The following TRAPPC9 variants were observed in gnomAD, a reference collection of about 807,000 sequenced individuals.
The protein encoded by TRAPPC9 is trafficking protein particle complex subunit 9, also known as IKK2 binding protein.
A neutral mutation model predicts 124.0 loss-of-function variants in TRAPPC9; 83 were observed. The observed-to-expected ratio is 0.67, with a 90% CI of 0.56 to 0.80. The LOEUF (loss-of-function observed/expected upper bound fraction) is 0.80, where lower values mean the gene tolerates loss of function less well. Among genes scored for constraint, TRAPPC9 ranks in the 30% least tolerant of loss-of-function variants. TRAPPC9 has a pLI of 0.00. For synonymous variants in TRAPPC9, 638 were observed against 617.5 expected (o/e 1.03, Z -0.49); for missense variants, 1,302 against 1,508.3 (o/e 0.86, Z 2.27).
chr8:140,062,290 C>G (rs563788848), intron 17 of TRAPPC9, among the ~76,000 whole-genome samples: 2 of 152,312 alleles, frequency 1.3e-5, no homozygotes, highest in South Asian at 4.2e-4. Context: ...GCTCGGTATT[C>G]CATCCTACTG....
chr8:140,034,464 TA>T (rs1306020840), intron 17 of TRAPPC9, among the ~76,000 whole-genome samples: 1 of 152,136 alleles, frequency 6.6e-6, no homozygotes, highest in Non-Finnish European at 1.5e-5. Flanking sequence ...ACCTCCTCAA[TA>T]AACAGCACGG....
chr8:139,917,222 G>A (rs1047931184), intron 19 of TRAPPC9, among the ~76,000 whole-genome samples: 15 of 127,010 alleles, frequency 1.2e-4, no homozygotes, highest in Non-Finnish European at 1.1e-4. Context: ...TGCCCAGGAC[G>A]GAGTGCAGTG....
intron 21 of TRAPPC9, among the ~76,000 whole-genome samples, chr8:139,778,407 T>C (rs903196314): frequency 1.2e-4 from 18 of 152,072 alleles, no homozygotes; most frequent in Admixed American, 8.5e-4. Context: ...TGGCACCCAA[T>C]GAAAGATTAC....
intron 17 of TRAPPC9, among the ~76,000 whole-genome samples, chr8:140,090,181 A>G (rs1279508599): frequency 6.6e-6 from 1 of 152,186 alleles, no homozygotes; most frequent in Non-Finnish European, 1.5e-5. Flanking sequence ...CTATTATAAC[A>G]TATGTAGGTT....
rs757718184 is a variant in TRAPPC9, at chr8:140,300,501, T to C, written c.1736A>G (p.His579Arg). The C allele has an allele frequency of 6.2e-7, 1 of 1,614,102 alleles. No individual in the cohort carries two copies. Among genetic ancestry groups the C allele is most frequent in the African/African-American group, 1.3e-5 (1 of 74,942 alleles). ...CTTGTTCCGCTCTTCTCCACGGTTG[T>C]GTGCGATAATTGGTGAATAGATGAA... ...SPFIYSPIIAHNRGEERNKKI... is the reference protein window; with the variant it reads ...SPFIYSPIIARNRGEERNKKI... The change falls in exon 11 of 23, where the codon CAC becomes CGC. Residue 579 changes from histidine to arginine, a missense_variant. Transcript: ENST00000438773.
intron 19 of TRAPPC9, among the ~76,000 whole-genome samples, chr8:139,986,060 T>G (rs758907885): frequency 6.6e-6 from 1 of 151,942 alleles, no homozygotes; most frequent in East Asian, 1.9e-4. Context: ...CTGACCAACA[T>G]GGTGAAATCC....
At chr8:139,930,647 C>A (rs1833086293) in intron 19 of TRAPPC9, among the ~76,000 whole-genome samples, 1 of 152,230 alleles carries the variant, frequency 6.6e-6, no homozygotes, top group South Asian at 2.1e-4. Flanking sequence ...GGAGCATCCC[C>A]CGTGTTTAGC....
chr8:140,372,291 G>A (rs886572642), intron 7 of TRAPPC9, among the ~76,000 whole-genome samples: 3 of 152,194 alleles, frequency 2.0e-5, no homozygotes, highest in Non-Finnish European at 4.4e-5. Context: ...TGCCCTGGAC[G>A]ATGAATGTTT....
At chr8:140,071,521 C>G (rs1287242075) in intron 17 of TRAPPC9, among the ~76,000 whole-genome samples, 8 of 152,150 alleles carry the variant, frequency 5.3e-5, no homozygotes, top group African/African-American at 1.9e-4. Context: ...GAGGAAGGCA[C>G]AATGTCTTGG....
At chr8:140,089,298 G>A (rs1168213765) in intron 17 of TRAPPC9, among the ~76,000 whole-genome samples, 1 of 152,112 alleles carries the variant, frequency 6.6e-6, no homozygotes, top group Non-Finnish European at 1.5e-5. Context: ...ATCTTTCAGA[G>A]GTCAGAAATA....
intron 19 of TRAPPC9, among the ~76,000 whole-genome samples, chr8:139,957,175 C>G (rs924496519): frequency 2.0e-5 from 3 of 152,232 alleles, no homozygotes; most frequent in African/African-American, 7.2e-5. Flanking sequence ...CACCCTAGTC[C>G]GGAAGCTTGG....
intron 21 of TRAPPC9, among the ~76,000 whole-genome samples, chr8:139,795,417 G>T (rs936133489): frequency 7.9e-5 from 12 of 152,062 alleles, no homozygotes; most frequent in African/African-American, 2.7e-4. Context: ...GAGATGAGTC[G>T]GACCAGATGA....
chr8:139,898,166 G>C (rs111466018), intron 20 of TRAPPC9, among the ~76,000 whole-genome samples: 37 of 152,354 alleles, frequency 2.4e-4, no homozygotes, highest in African/African-American at 7.9e-4. Flanking sequence ...ACTTGCCCAG[G>C]AAGAGCAGCC....
At chr8:140,381,667 C>CAAAAAAAAAAAAAAAAAAAAAA in intron 7 of TRAPPC9, among the ~76,000 whole-genome samples, 1 of 48,414 alleles carries the variant, frequency 2.1e-5, no homozygotes, top group Non-Finnish European at 3.7e-5. Context: ...GACTCTGTCT[C>CAAAAAAAAAAAAAAAAAAAAAA]AAAAAAAAAA....
intron 5 of TRAPPC9, among the ~76,000 whole-genome samples, chr8:140,422,891 C>G (rs1311493757): frequency 6.6e-6 from 1 of 151,896 alleles, no homozygotes; most frequent in African/African-American, 2.4e-5. Flanking sequence ...AAGAGATGCA[C>G]ATCATTAGCT....
At chr8:139,939,535 C>T (rs958499005) in intron 19 of TRAPPC9, among the ~76,000 whole-genome samples, 8 of 152,134 alleles carry the variant, frequency 5.3e-5, no homozygotes, top group Non-Finnish European at 7.4e-5. Context: ...TGCTCCCAAC[C>T]CGTCCAGGTC....
chr8:139,962,915 G>A (rs1203925452), intron 19 of TRAPPC9, among the ~76,000 whole-genome samples: 2 of 152,132 alleles, frequency 1.3e-5, no homozygotes, highest in Admixed American at 6.5e-5. Context: ...GAAGCCGGAG[G>A]AGCAAGGGAA....
In TRAPPC9 at chr8:140,303,295, C is replaced by T. The variant is rs190253533; in HGVS notation, c.1623-2681G>A. 6.4e-4 allele frequency among the ~76,000 whole-genome samples: 98 copies of T among 152,310 alleles called. 1 individual carries two copies. The East Asian group carries it at 0.013, about 21-fold the overall frequency. The stretch of plus-strand genomic sequence containing the variant: ...AAAAAAAAATATTCAATGAGTCCCA[C>T]TCCCCATCACTGCCCCCAAATTAAA... On this transcript the variant is annotated intron_variant, in intron 10 of 22. Coordinates refer to ENST00000438773, the MANE Select transcript of TRAPPC9 (RefSeq NM_001160372.4).
chr8:140,025,106 G>A (rs902464370), intron 17 of TRAPPC9, among the ~76,000 whole-genome samples: 5 of 152,198 alleles, frequency 3.3e-5, no homozygotes, highest in African/African-American at 4.8e-5. Context: ...GCTGGGGACC[G>A]AAGGGGAACA....
Sources: allele counts gnomAD v4.1 joint callset (sites outside exome capture counted in the v4.1 genomes callset), GRCh38; gene constraint gnomAD v4.1.1; transcripts MANE v1.5; gene names NCBI Gene and HGNC (gene_info 2026-07-23, HGNC 2026-07-21).